The following FHIT variants were observed in gnomAD, a reference collection of about 807,000 sequenced individuals.
The protein encoded by FHIT is fragile histidine triad diadenosine triphosphatase, also known as bis(5'-adenosyl)-triphosphatase.
FHIT carries 19 observed loss-of-function variants against 17.9 expected under a neutral mutation model. The ratio of observed to expected loss-of-function variants is 1.06; its 90% confidence interval spans 0.74 to 1.56. The LOEUF (loss-of-function observed/expected upper bound fraction) is 1.56. FHIT is among the 40% of genes most tolerant of loss of function. The pLI, the probability that FHIT is intolerant of heterozygous loss-of-function variation, is 0.00. For synonymous variants in FHIT, 81 were observed against 69.7 expected, an observed-to-expected ratio of 1.16 and a Z score of -0.81; for missense variants, 248 against 189.2, an observed-to-expected ratio of 1.31 and a Z score of -1.82.
chr3:60,392,405 G>A (rs1229955639), intron 5 of FHIT, among the ~76,000 whole-genome samples: 1 of 152,150 alleles, frequency 6.6e-6, no homozygotes, highest in Non-Finnish European at 1.5e-5. Flanking sequence ...ACACCATGTC[G>A]AATATGAAGC....
At chr3:60,938,945 G>A (rs1346212566) in intron 3 of FHIT, among the ~76,000 whole-genome samples, 2 of 152,126 alleles carry the variant, frequency 1.3e-5, no homozygotes, top group African/African-American at 4.8e-5. Flanking sequence ...ATACGGAAAA[G>A]GGTAAAAGTT....
At chr3:61,111,570 C>T (rs1039772807) in intron 2 of FHIT, among the ~76,000 whole-genome samples, 1 of 152,164 alleles carries the variant, frequency 6.6e-6, no homozygotes, top group African/African-American at 2.4e-5. Context: ...TAAAAAAACA[C>T]TTCCACACCT....
intron 5 of FHIT, among the ~76,000 whole-genome samples, chr3:60,173,795 G>C (rs993369978): frequency 1.3e-5 from 2 of 148,174 alleles, no homozygotes; most frequent in African/African-American, 5.0e-5. Flanking sequence ...AGAGAAAATC[G>C]AGAAAAGGAC....
chr3:60,638,033 G>C lies in FHIT; in HGVS notation c.-17-101054C>G, dbSNP rs116211465. ...ACAAATCAACTTCAATAAAAACAAT[G>C]AAAGTGGTAGAATGAAATAGATCAA... On this transcript the variant is annotated intron_variant, in intron 4 of 9. Transcript: ENST00000492590. 8.8e-4 allele frequency among the ~76,000 whole-genome samples: 134 copies of C among 152,294 alleles called. 1 individual carries two copies. The highest frequency in any genetic ancestry group is 3.2e-3 in the African/African-American group (131 of 41,562).
chr3:60,521,453 T>C (rs1286262333), intron 5 of FHIT, among the ~76,000 whole-genome samples: 2 of 152,130 alleles, frequency 1.3e-5, no homozygotes, highest in East Asian at 1.9e-4. Flanking sequence ...TTCACCGTGT[T>C]AGCCAGGATG....
chr3:59,810,032 G>A (rs1700352964), intron 8 of FHIT, among the ~76,000 whole-genome samples: 1 of 152,132 alleles, frequency 6.6e-6, no homozygotes. Context: ...AAATCTAGAG[G>A]ATAAGGGGAC....
chr3:60,912,423 G>A (rs1303325979), intron 3 of FHIT, among the ~76,000 whole-genome samples: 1 of 152,118 alleles, frequency 6.6e-6, no homozygotes. Context: ...TATCCCATGG[G>A]GTTATTATAG....
intron 3 of FHIT, among the ~76,000 whole-genome samples, chr3:60,946,068 T>C (rs1160060334): frequency 6.6e-6 from 1 of 152,056 alleles, no homozygotes; most frequent in East Asian, 1.9e-4. Flanking sequence ...TCAGTGTGCA[T>C]GTAAAGAAGA....
intron 7 of FHIT, among the ~76,000 whole-genome samples, chr3:59,927,021 A>G (rs1705694216): frequency 6.6e-6 from 1 of 152,118 alleles, no homozygotes; most frequent in Non-Finnish European, 1.5e-5. Context: ...ACTTGTACGC[A>G]AATGTTTACA....
intron 2 of FHIT, among the ~76,000 whole-genome samples, chr3:61,107,894 T>A (rs1186859221): frequency 6.6e-6 from 1 of 152,200 alleles, no homozygotes; most frequent in East Asian, 1.9e-4. Context: ...GTTCAAACAG[T>A]TGGCTACATT....
At chr3:60,955,450 T>C (rs1709069676) in intron 3 of FHIT, among the ~76,000 whole-genome samples, 1 of 151,842 alleles carries the variant, frequency 6.6e-6, no homozygotes, top group Non-Finnish European at 1.5e-5. Flanking sequence ...ATCAGGAGGT[T>C]CTAGAATATT....
intron 4 of FHIT, among the ~76,000 whole-genome samples, chr3:60,548,136 AGAGAGAG>A (rs748754355): frequency 1.2e-5 from 1 of 83,180 alleles, no homozygotes; most frequent in Non-Finnish European, 2.5e-5. Context: ...AGCACGAGAG[AGAGAGAG>A]CGAGAGAGAG....
intron 5 of FHIT, among the ~76,000 whole-genome samples, chr3:60,076,271 C>T (rs549578150): frequency 7.2e-5 from 11 of 152,092 alleles, no homozygotes; most frequent in Admixed American, 1.3e-4. Context: ...TTCAAGTGAC[C>T]TTTTATAAAG....
intron 2 of FHIT, among the ~76,000 whole-genome samples, chr3:61,190,303 T>C (rs1028659123): frequency 8.5e-4 from 129 of 152,264 alleles, no homozygotes; most frequent in Non-Finnish European, 1.6e-3. Flanking sequence ...AAGAAGACAT[T>C]TATGCAGCCA....
At chr3:60,623,532 A>G (rs782097090) in intron 4 of FHIT, among the ~76,000 whole-genome samples, 39 of 152,134 alleles carry the variant, frequency 2.6e-4, no homozygotes, top group East Asian at 3.9e-4. Context: ...TCTGACCTCA[A>G]GTGAAATACT....
chr3:60,702,924 T>C (rs918453758), intron 4 of FHIT, among the ~76,000 whole-genome samples: 4 of 152,222 alleles, frequency 2.6e-5, no homozygotes, highest in Admixed American at 6.5e-5. Flanking sequence ...AAATTTCTAA[T>C]ACATTTTATC....
intron 5 of FHIT, among the ~76,000 whole-genome samples, chr3:60,181,145 A>AT (rs199935934): frequency 0.23 from 28,436 of 125,528 alleles, 4,203 homozygotes; most frequent in East Asian, 0.69. Context: ...AATTTTTTTA[A>AT]TTTTTTTTTT....
At chr3:61,061,433 C>T (rs547382368) in intron 2 of FHIT, among the ~76,000 whole-genome samples, 21 of 152,006 alleles carry the variant, frequency 1.4e-4, no homozygotes, top group African/African-American at 4.8e-4. Flanking sequence ...AGAATATCTT[C>T]ACCTTTCATA....
chr3:60,038,435 ATT>A (rs201137919), intron 5 of FHIT, among the ~76,000 whole-genome samples: 2,165 of 152,294 alleles, frequency 0.014, 26 homozygotes, highest in Non-Finnish European at 0.022. Context: ...TCTCTGAAAA[ATT>A]TGTCAGAATA....
Sources: allele counts gnomAD v4.1 joint callset (sites outside exome capture counted in the v4.1 genomes callset), GRCh38; gene constraint gnomAD v4.1.1; transcripts MANE v1.5; gene names NCBI Gene and HGNC (gene_info 2026-07-23, HGNC 2026-07-21).